Variants in FAM133A observed in about 807,000 individuals in gnomAD.
FAM133A encodes the protein protein FAM133A.
For missense variants in FAM133A, 159 were observed against 164.4 expected, an observed-to-expected ratio of 0.97 and a Z score of 0.18; for synonymous variants, 65 against 58.6, an observed-to-expected ratio of 1.11 and a Z score of -0.50.
chrX:93,694,553 G>A (rs185706769), intron 2 of FAM133A, among the ~76,000 whole-genome samples: 2 of 111,560 alleles, frequency 1.8e-5, no homozygotes, highest in Non-Finnish European at 3.8e-5. Context: ...CAAATAGACC[G>A]TGATTATAAA....
In FAM133A at chrX:93,710,040, AAAG is replaced by A; in HGVS notation, c.626_628del (p.Lys209del). Reference sequence around the variant, plus strand: ...ATTATGAAGAGGATGTGCAAGCAAAAAAGAAGAGAAGGTGTGAAGAGCGAGAAC... The same window carrying A: ...ATTATGAAGAGGATGTGCAAGCAAAAAAGAGAAGGTGTGAAGAGCGAGAAC... On this transcript the variant is annotated inframe_deletion, in exon 4 of 4. Coordinates refer to ENST00000683942, the MANE Select transcript of FAM133A (RefSeq NM_001171109.2). The A allele has an allele frequency of 8.3e-7, 1 of 1,205,688 alleles. No homozygotes were observed. Among genetic ancestry groups the A allele is most frequent in the Non-Finnish European group, 1.1e-6 (1 of 892,302 alleles).
intron 2 of FAM133A, among the ~76,000 whole-genome samples, 194 bp from the exon 3 acceptor site, chrX:93,698,203 C>G (rs761815379): frequency 9.0e-6 from 1 of 111,374 alleles, no homozygotes; most frequent in African/African-American, 3.3e-5. Context: ...TAAGAAAGTG[C>G]TAATCGTAAC....
At chrX:93,701,205 GAAAT>G (rs774596035) in intron 3 of FAM133A, among the ~76,000 whole-genome samples, 16 of 111,973 alleles carry the variant, frequency 1.4e-4, no homozygotes, top group African/African-American at 4.8e-4. Flanking sequence ...GAAATTATAA[GAAAT>G]AAATGGGAAG....
chrX:93,707,640 T>C (rs1276122955), intron 3 of FAM133A, among the ~76,000 whole-genome samples: 1 of 111,069 alleles, frequency 9.0e-6, no homozygotes, highest in Non-Finnish European at 1.9e-5. Flanking sequence ...TGCTGCTCTT[T>C]TCTCATGTTT....
rs991099037 is a variant in FAM133A at position 93,694,458 on chromosome X, C to T, written c.-192-3939C>T. Among the ~76,000 whole-genome samples the T allele has an allele frequency of 9.0e-5, 10 of 111,017 alleles. No individual in the cohort carries two copies. The Admixed American group carries it at 9.6e-4, about 11-fold the overall frequency. ...TTAAATCCCCAGTAAGATAAAACACCTGCAAAATTAACCCAAGAGATGACT... is the reference window on the plus strand; with the variant it reads ...TTAAATCCCCAGTAAGATAAAACACTTGCAAAATTAACCCAAGAGATGACT... On this transcript the variant is annotated intron_variant, in intron 2 of 3. Coordinates refer to ENST00000683942, the MANE Select transcript of FAM133A (RefSeq NM_001171109.2).
intron 2 of FAM133A, among the ~76,000 whole-genome samples, chrX:93,684,835 C>G (rs2147599963): frequency 9.0e-6 from 1 of 111,716 alleles, no homozygotes; most frequent in South Asian, 3.7e-4. Flanking sequence ...ATTATTTGGT[C>G]AAAGTTTATA....
intron 3 of FAM133A, among the ~76,000 whole-genome samples, chrX:93,702,837 T>TAAAAAAAAAAAAAA (rs33985910): frequency 1.9e-4 from 8 of 43,042 alleles, no homozygotes; most frequent in Admixed American, 3.5e-4. Flanking sequence ...ATAGCTATGA[T>TAAAAAAAAAAAAAA]AAAAAAAAAA....
intron 3 of FAM133A, among the ~76,000 whole-genome samples, chrX:93,703,188 CAAAAAT>C (rs1430752942): frequency 9.0e-6 from 1 of 110,821 alleles, no homozygotes; most frequent in Admixed American, 9.6e-5. Context: ...GATCCTGTCT[CAAAAAT>C]AAAATAAATA....
intron 2 of FAM133A, among the ~76,000 whole-genome samples, chrX:93,678,837 C>T (rs1051715218): frequency 1.8e-5 from 2 of 111,370 alleles, no homozygotes; most frequent in Admixed American, 9.6e-5. Flanking sequence ...ATGACACAAT[C>T]GGTAGTTATC....
At chrX:93,691,722 T>G (rs1391471106) in intron 2 of FAM133A, among the ~76,000 whole-genome samples, 1 of 111,972 alleles carries the variant, frequency 8.9e-6, no homozygotes, top group African/African-American at 3.2e-5. Context: ...AGGGGTTGGA[T>G]TTAATCTATT....
At chrX:93,690,715 T>C (rs1925832020) in intron 2 of FAM133A, among the ~76,000 whole-genome samples, 1 of 111,989 alleles carries the variant, frequency 8.9e-6, no homozygotes, top group Non-Finnish European at 1.9e-5. Flanking sequence ...GACAAATGTT[T>C]TTGTTTCTCA....
At chrX:93,707,150 G>A (rs1017642510) in intron 3 of FAM133A, among the ~76,000 whole-genome samples, 3 of 112,144 alleles carry the variant, frequency 2.7e-5, no homozygotes, top group African/African-American at 9.7e-5. Flanking sequence ...GAAAGAAGCT[G>A]CAAGTTGAAT....
At chrX:93,705,207 ATG>A (rs1926963251) in intron 3 of FAM133A, among the ~76,000 whole-genome samples, 1 of 111,937 alleles carries the variant, frequency 8.9e-6, no homozygotes, top group Non-Finnish European at 1.9e-5. Context: ...GTAAGAATCA[ATG>A]AACAAATATT....
intron 3 of FAM133A, among the ~76,000 whole-genome samples, chrX:93,699,796 T>C (rs1264780703): frequency 9.0e-6 from 1 of 111,355 alleles, no homozygotes; most frequent in Admixed American, 9.6e-5. Context: ...GCATTCTCTG[T>C]AATCTCAGTA....
intron 2 of FAM133A, among the ~76,000 whole-genome samples, chrX:93,679,796 C>T (rs1365296262): frequency 1.1e-5 from 1 of 91,276 alleles, no homozygotes; most frequent in African/African-American, 4.3e-5. Flanking sequence ...GTTGCCCAGG[C>T]TGGAGTGCAG....
Position 93,708,340 on chromosome X carries a change from T to C in FAM133A, c.-103-977T>C, listed in dbSNP as rs565454947. ...AGATCATATAGGACCTTATAGGAGA[T>C]TGGATTTGTTTTTCATTAAAATATA... On this transcript the variant is annotated intron_variant, in intron 3 of 3. Transcript: ENST00000683942. Among the ~76,000 whole-genome samples the C allele has an allele frequency of 4.5e-5, 5 of 111,745 alleles. No homozygotes were observed. The East Asian group carries it at 1.4e-3, about 32-fold the overall frequency.
chrX:93,675,476 T>G (rs756344398), intron 2 of FAM133A, among the ~76,000 whole-genome samples: 1 of 111,282 alleles, frequency 9.0e-6, no homozygotes, highest in African/African-American at 3.3e-5. Flanking sequence ...TGTTATAGGG[T>G]GGCCATTTCT....
chrX:93,676,010 T>C lies in FAM133A; in HGVS notation c.-193+1258T>C, dbSNP rs184403463. Among the ~76,000 whole-genome samples the C allele has an allele frequency of 7.7e-3, 862 of 111,379 alleles. 2 individuals are homozygous for C. The highest frequency in any genetic ancestry group is 0.01 in the Non-Finnish European group (532 of 52,844). ...GGAATTAGTATTTTAGAGTCAGTCATGAGTTAGGGATCCAGATTTTTAAAA... is the reference window on the plus strand; with the variant it reads ...GGAATTAGTATTTTAGAGTCAGTCACGAGTTAGGGATCCAGATTTTTAAAA... On this transcript the variant is annotated intron_variant, in intron 2 of 3. Transcript: ENST00000683942.
At chrX:93,681,240 A>G (rs1039925433) in intron 2 of FAM133A, among the ~76,000 whole-genome samples, 1 of 110,452 alleles carries the variant, frequency 9.1e-6, no homozygotes, top group African/African-American at 3.3e-5. Flanking sequence ...TCTTATGTGC[A>G]TATGATATAT....
Sources: allele counts gnomAD v4.1 joint callset (sites outside exome capture counted in the v4.1 genomes callset), GRCh38; gene constraint gnomAD v4.1.1; transcripts MANE v1.5; gene names NCBI Gene and HGNC (gene_info 2026-07-23, HGNC 2026-07-21).